EYA1: variants seen among roughly 807,000 people sequenced by gnomAD.
EYA1 encodes EYA transcriptional coactivator and phosphatase 1.
A neutral mutation model predicts 82.0 loss-of-function variants in EYA1; 16 were observed. The observed-to-expected ratio is 0.20, with a 90% CI of 0.13 to 0.30. The LOEUF (loss-of-function observed/expected upper bound fraction) is 0.30. Ranked by LOEUF, EYA1 falls within the 10% of genes least tolerant of loss-of-function variation. The pLI is 1.00. For synonymous variants in EYA1, 261 were observed against 264.4 expected, an observed-to-expected ratio of 0.99 and a Z score of 0.12; for missense variants, 633 against 730.7, an observed-to-expected ratio of 0.87 and a Z score of 1.54.
At chr8:71,259,216 T>C (rs1374702424) in intron 11 of EYA1, among the ~76,000 whole-genome samples, 1 of 152,140 alleles carries the variant, frequency 6.6e-6, no homozygotes, top group Non-Finnish European at 1.5e-5. Context: ...TTGGTACCAC[T>C]AAGGACTTTC....
intron 3 of EYA1, among the ~76,000 whole-genome samples, chr8:71,344,604 C>G (rs1005643056): frequency 6.6e-6 from 1 of 152,164 alleles, no homozygotes; most frequent in Non-Finnish European, 1.5e-5. Flanking sequence ...TTTTGTAAAT[C>G]AGCCAAAAAG....
chr8:71,361,298 T>C (rs1185401464), intron 1 of EYA1, among the ~76,000 whole-genome samples: 2 of 152,228 alleles, frequency 1.3e-5, no homozygotes, highest in Non-Finnish European at 1.5e-5. Flanking sequence ...ATTTGAGATT[T>C]GTGCAGCAAT....
At chr8:71,377,804 T>C (rs1828461245) in intron 2 of EYA1, among the ~76,000 whole-genome samples, 1 of 152,246 alleles carries the variant, frequency 6.6e-6, no homozygotes, top group Non-Finnish European at 1.5e-5. Flanking sequence ...AATTTGACTT[T>C]GCTAGGTACC....
chr8:71,284,826 C>T (rs1818192582), intron 9 of EYA1, among the ~76,000 whole-genome samples: 1 of 152,228 alleles, frequency 6.6e-6, no homozygotes, highest in South Asian at 2.1e-4. Flanking sequence ...GTCCCTCGCA[C>T]TTTCACATCC....
intron 4 of EYA1, among the ~76,000 whole-genome samples, chr8:71,323,544 A>G (rs1822819469): frequency 1.3e-5 from 2 of 152,192 alleles, no homozygotes; most frequent in Admixed American, 1.3e-4. Context: ...TAAAACAAAC[A>G]AGGCCTGTCC....
chr8:71,484,184 G>T (rs1810387662), intron 2 of EYA1, among the ~76,000 whole-genome samples: 1 of 152,186 alleles, frequency 6.6e-6, no homozygotes, highest in Non-Finnish European at 1.5e-5. Context: ...AAAAACTGAT[G>T]CTTGTGTCAG....
In EYA1 at chr8:71,367,582, A is replaced by G. The variant is rs528673250; in HGVS notation, c.34-11071T>C. ...AAAAAAAAAAAAAGAGTAACCTCTA[A>G]AGCTGTTTTAGACAGAAGGTCAGAA... On this transcript the variant is annotated intron_variant, in intron 2 of 18. Coordinates refer to the EYA1 transcript ENST00000643681. 1.3e-4 allele frequency among the ~76,000 whole-genome samples: 19 copies of G among 151,980 alleles called. No individual in the cohort carries two copies. The South Asian group carries it at 3.7e-3, about 30-fold the overall frequency.
chr8:71,478,068 A>T (rs914180579), intron 2 of EYA1, among the ~76,000 whole-genome samples: 2 of 152,190 alleles, frequency 1.3e-5, no homozygotes, highest in Non-Finnish European at 2.9e-5. Flanking sequence ...TTGGATGATG[A>T]TAATATTCTA....
At chr8:71,438,919 C>G (rs1213888383) in intron 2 of EYA1, among the ~76,000 whole-genome samples, 2 of 152,028 alleles carry the variant, frequency 1.3e-5, no homozygotes, top group Non-Finnish European at 2.9e-5. Flanking sequence ...GATCTGGTAT[C>G]TGGGAGAAAA....
rs1034769071 is a variant in EYA1 at position 71,323,410 on chromosome 8, A to G, written c.203-1142T>C. 2.0e-5 allele frequency among the ~76,000 whole-genome samples: 3 copies of G among 152,336 alleles called. No individual in the cohort carries two copies. In the South Asian group the frequency reaches 6.2e-4, roughly 32 times the overall value. On this transcript the variant is annotated intron_variant, in intron 4 of 17. Transcript: ENST00000340726. The stretch of plus-strand genomic sequence containing the variant: ...AGGTTCCATGTACTCAAAGTTTCAT[A>G]TAGTTTTCCCATTGTCACACTGGTA...
At chr8:71,307,803 C>T (rs1227877434) in intron 7 of EYA1, among the ~76,000 whole-genome samples, 1 of 152,164 alleles carries the variant, frequency 6.6e-6, no homozygotes, top group African/African-American at 2.4e-5. Flanking sequence ...CTTGTTAGTC[C>T]AGCTGTCAGG....
intron 2 of EYA1, among the ~76,000 whole-genome samples, chr8:71,477,889 C>T (rs1339561063): frequency 6.6e-6 from 1 of 152,174 alleles, no homozygotes; most frequent in African/African-American, 2.4e-5. Flanking sequence ...GAATATTATT[C>T]AGCCATAAAA....
intron 2 of EYA1, among the ~76,000 whole-genome samples, chr8:71,439,971 C>T (rs557069508): frequency 6.6e-6 from 1 of 152,122 alleles, no homozygotes; most frequent in Non-Finnish European, 1.5e-5. Flanking sequence ...TAACTAACAC[C>T]TATTAACTAA....
At chr8:71,428,688 T>C (rs1052383187) in intron 2 of EYA1, among the ~76,000 whole-genome samples, 1 of 152,304 alleles carries the variant, frequency 6.6e-6, no homozygotes, top group South Asian at 2.1e-4. Context: ...TCATTTGAGG[T>C]GCATTCAAGT....
chr8:71,497,887 G>C (rs770705977), intron 2 of EYA1, among the ~76,000 whole-genome samples: 7 of 152,092 alleles, frequency 4.6e-5, no homozygotes, highest in Non-Finnish European at 8.8e-5. Flanking sequence ...CCATAAAAAG[G>C]AAATCCTGTC....
intron 2 of EYA1, among the ~76,000 whole-genome samples, chr8:71,467,295 A>T (rs577634692): frequency 5.9e-5 from 9 of 152,164 alleles, no homozygotes; most frequent in Non-Finnish European, 5.9e-5. Flanking sequence ...CCTTTTTTGT[A>T]AGACAGTGTC....
intron 2 of EYA1, among the ~76,000 whole-genome samples, chr8:71,527,525 G>A (rs1813908842): frequency 6.6e-6 from 1 of 152,174 alleles, no homozygotes; most frequent in Non-Finnish European, 1.5e-5. Context: ...CTTGAAAGGA[G>A]AGAGCGCACA....
intron 2 of EYA1, among the ~76,000 whole-genome samples, chr8:71,435,081 C>A (rs1328319560): frequency 6.6e-6 from 1 of 152,076 alleles, no homozygotes; most frequent in Admixed American, 6.5e-5. Context: ...GTCCATTTGT[C>A]CAGATTTATG....
At chr8:71,319,770 C>A (rs1399089051) in intron 6 of EYA1, among the ~76,000 whole-genome samples, 1 of 152,130 alleles carries the variant, frequency 6.6e-6, no homozygotes, top group Non-Finnish European at 1.5e-5. Flanking sequence ...GCAGTTAAAA[C>A]CCAAGCTATG....
Sources: gnomAD v4.1 joint callset for allele counts (sites outside exome capture counted in the v4.1 genomes callset) on GRCh38, gnomAD v4.1.1 for gene constraint, MANE v1.5 for transcripts, NCBI Gene and HGNC (gene_info 2026-07-23, HGNC 2026-07-21) for gene names.